Variants in KLF12 observed in about 807,000 individuals in gnomAD.
KLF12 encodes the protein KLF transcription factor 12, also known as Krueppel-like factor 12.
In KLF12, 9 loss-of-function variants were observed where a neutral mutation model predicts 37.8. That is an observed-to-expected ratio of 0.24 (90% CI 0.14 to 0.42). The LOEUF (loss-of-function observed/expected upper bound fraction) is 0.42. KLF12 is among the 10% of genes least tolerant of loss of function. The pLI is 1.00. For synonymous variants in KLF12, 208 were observed against 202.1 expected, an observed-to-expected ratio of 1.03 and a Z score of -0.25; for missense variants, 411 against 516.0, an observed-to-expected ratio of 0.80 and a Z score of 1.97.
chr13:73,810,959 G>GC (rs1566384971), intron 5 of KLF12, among the ~76,000 whole-genome samples: 2 of 104,354 alleles, frequency 1.9e-5, no homozygotes, highest in African/African-American at 6.9e-5. Flanking sequence ...GATAAACAAT[G>GC]TTTATTTTTT....
intron 3 of KLF12, among the ~76,000 whole-genome samples, chr13:73,851,337 T>C (rs1885323734): frequency 6.6e-6 from 1 of 152,172 alleles, no homozygotes. Context: ...AATAAATACA[T>C]GTTACAAAAA....
chr13:74,288,069 A>AG, the KLF12 span, among the ~76,000 whole-genome samples: 2 of 111,790 alleles, frequency 1.8e-5, no homozygotes, highest in Non-Finnish European at 4.3e-5. Flanking sequence ...TCTGGTTTGA[A>AG]GGGGGGAAGG....
At chr13:73,930,239 T>C (rs989022678) in intron 3 of KLF12, among the ~76,000 whole-genome samples, 1 of 152,198 alleles carries the variant, frequency 6.6e-6, no homozygotes, top group African/African-American at 2.4e-5. Context: ...AAATGTTATA[T>C]CATAAAAGCA....
Position 73,846,361 on chromosome 13 carries a change from G to C in KLF12, c.136C>G (p.His46Asp). The change falls in exon 4 of 8, where the codon CAC becomes GAC. Residue 46 changes from histidine (H) to aspartate (D), a missense_variant. By Grantham distance (81) the His-to-Asp change is moderately conservative (BLOSUM62 -1). Coordinates refer to ENST00000377669, the MANE Select transcript of KLF12 (RefSeq NM_007249.5). ...ACGGCTTCCATATCGGGATAGTTGT[G>C]GACGTTTGGAGACTGTGGGGAGAAA... is the stretch of plus-strand genomic sequence containing the variant. The C allele has an allele frequency of 6.2e-7, 1 of 1,612,000 alleles. No individual in the cohort carries two copies. Among genetic ancestry groups the C allele is most frequent in the South Asian group, 1.1e-5 (1 of 90,908 alleles).
At chr13:73,726,771 G>C (rs1876698981) in intron 6 of KLF12, among the ~76,000 whole-genome samples, 1 of 152,134 alleles carries the variant, frequency 6.6e-6, no homozygotes, top group East Asian at 1.9e-4. Flanking sequence ...TTTTTGTGTA[G>C]ACATATGTTT....
the KLF12 span, among the ~76,000 whole-genome samples, chr13:74,222,366 G>T: frequency 4.6e-5 from 7 of 152,180 alleles, no homozygotes; most frequent in Admixed American, 2.0e-4. Context: ...TAAGTTCCAT[G>T]GGAAGGAGCA....
chr13:73,875,359 A>G (rs889120921), intron 3 of KLF12, among the ~76,000 whole-genome samples: 3 of 151,998 alleles, frequency 2.0e-5, no homozygotes, highest in African/African-American at 4.8e-5. Context: ...AATTTCCACC[A>G]TGATTTTTTG....
At chr13:73,869,841 C>T (rs533905793) in intron 3 of KLF12, among the ~76,000 whole-genome samples, 6 of 152,224 alleles carry the variant, frequency 3.9e-5, no homozygotes, top group East Asian at 1.9e-4. Flanking sequence ...TAAGAGGTTG[C>T]TTTCTCCTTT....
the KLF12 span, among the ~76,000 whole-genome samples, chr13:74,154,907 A>G: frequency 1.3e-5 from 2 of 152,204 alleles, no homozygotes; most frequent in Non-Finnish European, 2.9e-5. Context: ...AACTCTTCAA[A>G]TATATTGCCA....
At chr13:74,047,317 C>A (rs563815372) in intron 1 of KLF12, among the ~76,000 whole-genome samples, 1 of 152,116 alleles carries the variant, frequency 6.6e-6, no homozygotes, top group East Asian at 1.9e-4. Flanking sequence ...CCAGGCCAGG[C>A]GCGGTGGCTC....
the KLF12 span, among the ~76,000 whole-genome samples, chr13:74,231,035 T>C: frequency 5.1e-5 from 4 of 78,678 alleles, no homozygotes; most frequent in Non-Finnish European, 8.6e-5. Context: ...AGCTGCTACC[T>C]TTTTTTTTTT....
At chr13:73,791,633 G>A (rs1881693559) in intron 5 of KLF12, among the ~76,000 whole-genome samples, 1 of 151,930 alleles carries the variant, frequency 6.6e-6, no homozygotes. Flanking sequence ...AACTGTACTT[G>A]CATTATTTTT....
At chr13:73,761,736 T>C (rs533251116) in intron 6 of KLF12, among the ~76,000 whole-genome samples, 2 of 152,262 alleles carry the variant, frequency 1.3e-5, no homozygotes, top group East Asian at 3.9e-4. Context: ...CTGTCTTTTG[T>C]CAGTTTAATT....
intron 1 of KLF12, among the ~76,000 whole-genome samples, chr13:74,121,492 C>T (rs562860973): frequency 2.0e-5 from 3 of 152,114 alleles, no homozygotes; most frequent in East Asian, 1.9e-4. Context: ...AACAAAAACA[C>T]TCTTAAAAAT....
the KLF12 span, among the ~76,000 whole-genome samples, chr13:74,229,980 G>A: frequency 6.6e-6 from 1 of 152,128 alleles, no homozygotes; most frequent in Non-Finnish European, 1.5e-5. Context: ...GTGAAGATGG[G>A]TAGATGAGGT....
chr13:73,792,220 G>A (rs1881726649), intron 5 of KLF12, among the ~76,000 whole-genome samples: 1 of 152,152 alleles, frequency 6.6e-6, no homozygotes, highest in African/African-American at 2.4e-5. Flanking sequence ...GAGGAAAGCT[G>A]CTAGTTCTAG....
At chr13:74,220,602 A>G in the KLF12 span, among the ~76,000 whole-genome samples, 1 of 152,230 alleles carries the variant, frequency 6.6e-6, no homozygotes, top group East Asian at 1.9e-4. Context: ...CATCATCAGC[A>G]TGATGTACAA....
At chr13:73,732,105 G>A (rs1392351355) in intron 6 of KLF12, among the ~76,000 whole-genome samples, 2 of 148,424 alleles carry the variant, frequency 1.3e-5, no homozygotes, top group African/African-American at 5.0e-5. Context: ...TTTTTTGAGA[G>A]GGAGTTTTGC....
intron 4 of KLF12, among the ~76,000 whole-genome samples, chr13:73,816,250 G>A (rs1883209027): frequency 6.6e-6 from 1 of 152,146 alleles, no homozygotes; most frequent in Non-Finnish European, 1.5e-5. Flanking sequence ...AGCCCATTTA[G>A]GAAGGACTGA....
Sources: allele counts gnomAD v4.1 joint callset (sites outside exome capture counted in the v4.1 genomes callset), GRCh38; gene constraint gnomAD v4.1.1; transcripts MANE v1.5; gene names NCBI Gene and HGNC (gene_info 2026-07-23, HGNC 2026-07-21).